ZFYVE26: variants seen among roughly 807,000 people sequenced by gnomAD.
ZFYVE26 encodes zinc finger FYVE domain-containing protein 26.
ZFYVE26 carries 181 observed loss-of-function variants against 276.5 expected under a neutral mutation model. The ratio of observed to expected loss-of-function variants is 0.65; its 90% CI spans 0.58 to 0.74. The LOEUF is 0.74. Among genes scored for constraint, ZFYVE26 ranks in the 30% least tolerant of loss-of-function variants. The pLI is 0.00. For synonymous variants in ZFYVE26, 1,129 were observed against 1,203.1 expected, an observed-to-expected ratio of 0.94 and a Z score of 1.27; for missense variants, 2,821 against 3,097.9, an observed-to-expected ratio of 0.91 and a Z score of 2.12.
rs773532707 is a variant in ZFYVE26, at chr14:67,752,437, G to C, written c.7278C>G (p.Leu2426=). Residue 2426 remains leucine, a synonymous_variant, in exon 40 of 42, where the codon CTC becomes CTG. Transcript: ENST00000347230. Reference sequence around the variant, plus strand: ...CCATGCCTGACTCACTGACACATTTGAGCAGTTGCTGGATCTCACTGTACT... The same window carrying C: ...CCATGCCTGACTCACTGACACATTTCAGCAGTTGCTGGATCTCACTGTACT... ...KEKYSEIQQL[L]KCVSESGMAA... 4 of 1,613,926 alleles carry C rather than the reference G, an allele frequency of 2.5e-6. No homozygotes were observed. In the African/African-American group the frequency reaches 5.3e-5, roughly 22 times the overall value.
Position 67,804,153 on chromosome 14 carries a change from A to C in ZFYVE26, c.1383T>G (p.Asp461Glu). The change falls in exon 9 of 42, where the codon GAT becomes GAG. Residue 461 changes from aspartate (D) to glutamate (E), a missense_variant. Asp to Glu is a conservative substitution (Grantham distance 45, BLOSUM62 2). Transcript: ENST00000347230. The stretch of plus-strand genomic sequence containing the variant: ...GCACTTTCTGTAAGAGCTTGAGAAC[A>C]TCTTCCTCCCTGAGGGCTGGAAGGT... The part of the protein sequence containing the change: ...LTNLPALREE[D>E]VLKLLQKVPA... 1 of 1,614,184 alleles carries C rather than the reference A, an allele frequency of 6.2e-7. No individual in the cohort carries two copies. Among genetic ancestry groups the C allele is most frequent in the Non-Finnish European group, 8.5e-7 (1 of 1,180,018 alleles).
At chr14:67,814,828 T>C (rs1469138592) in intron 2 of ZFYVE26, among the ~76,000 whole-genome samples, 1 of 152,080 alleles carries the variant, frequency 6.6e-6, no homozygotes, top group Non-Finnish European at 1.5e-5. Flanking sequence ...AGATCTCAAA[T>C]TAAAGGAGAA....
At chr14:67,813,957 G>A (rs187600639) in intron 3 of ZFYVE26, 29 bp downstream of exon 3, 89 of 1,551,012 alleles carry the variant, frequency 5.7e-5, no homozygotes, top group South Asian at 3.4e-4. Flanking sequence ...TCCTGGCCTC[G>A]GAGGAAAATT....
chr14:67,778,080 T>C (rs750414633), intron 24 of ZFYVE26, 46 bp downstream of exon 24: 6 of 1,613,730 alleles, frequency 3.7e-6, no homozygotes, highest in Non-Finnish European at 5.1e-6. Flanking sequence ...TTGACTAAAC[T>C]TCTTGTCCCA....
chr14:67,785,156 G>T lies in ZFYVE26; in HGVS notation c.3426C>A (p.Thr1142=). The part of the protein sequence containing the change: ...QLLQKNLGKQ[T]PSGSRQMDYL... ...AGTCCATCTGCCTGCTGCCTGATGG[G>T]GTCTGTTTGCCCAGGTTCTTCTGGA... Residue 1142 remains threonine, a synonymous_variant, in exon 19 of 42, where the codon ACC becomes ACA. Transcript: ENST00000347230. The T allele has an allele frequency of 1.2e-6, 2 of 1,614,202 alleles. No homozygotes were observed. Among genetic ancestry groups the T allele is most frequent in the Non-Finnish European group, 1.7e-6 (2 of 1,180,042 alleles).
rs751474117 is a variant in ZFYVE26 at position 67,761,601 on chromosome 14, C to CGA, written c.6370-19_6370-18dup. The stretch of plus-strand genomic sequence containing the variant: ...GTCATCTTGCTGACAGCACAGGGAG[C>CGA]GAGAGAGAAAAATGAAACTCAAAAA... On this transcript the variant is annotated splice_polypyrimidine_tract_variant and intron_variant, in intron 34 of 41. Coordinates refer to ENST00000347230, the MANE Select transcript of ZFYVE26 (RefSeq NM_015346.4). 4 of 1,610,202 alleles carry CGA rather than the reference C, an allele frequency of 2.5e-6. No individual in the cohort carries two copies. The Admixed American group carries it at 6.7e-5, about 27-fold the overall frequency.
intron 29 of ZFYVE26, 38 bp downstream of exon 29, chr14:67,769,556 G>A (rs964525741): frequency 1.3e-5 from 21 of 1,613,346 alleles, no homozygotes; most frequent in South Asian, 2.2e-5. Context: ...AGGGTGCAGC[G>A]GTCAATAATA....
intron 35 of ZFYVE26, among the ~76,000 whole-genome samples, chr14:67,759,459 A>C (rs866177196): frequency 3.3e-5 from 5 of 151,960 alleles, no homozygotes; most frequent in South Asian, 2.1e-4. Context: ...CCCTGTCTCT[A>C]CTAAAAATAC....
At chr14:67,739,558 G>A (rs2038391803) in intron 13 of ZFYVE26, among the ~76,000 whole-genome samples, 1 of 151,526 alleles carries the variant, frequency 6.6e-6, no homozygotes, top group Admixed American at 6.6e-5. Flanking sequence ...CTAGTCCAAG[G>A]CAGATATCTT....
chr14:67,787,605 C>CCA (rs138827197), intron 16 of ZFYVE26, among the ~76,000 whole-genome samples: 3,262 of 151,480 alleles, frequency 0.022, 133 homozygotes, highest in African/African-American at 0.074. Flanking sequence ...GACTATGCAC[C>CCA]CACACACACA....
intron 11 of ZFYVE26, 87 bp from the exon 12 acceptor site, chr14:67,797,842 G>A: frequency 6.3e-7 from 1 of 1,580,942 alleles, no homozygotes; most frequent in Non-Finnish European, 8.7e-7. Flanking sequence ...GGGAAGGTTT[G>A]CACTGGGCTC....
intron 15 of ZFYVE26, among the ~76,000 whole-genome samples, chr14:67,790,336 A>C (rs2039777643): frequency 6.6e-6 from 1 of 152,246 alleles, no homozygotes; most frequent in Non-Finnish European, 1.5e-5. Flanking sequence ...CTTCATTTAA[A>C]TCACACAGGA....
chr14:67,783,722 T>C (rs2039574334), intron 20 of ZFYVE26, among the ~76,000 whole-genome samples, 197 bp from the exon 21 acceptor site: 1 of 152,212 alleles, frequency 6.6e-6, no homozygotes, highest in South Asian at 2.1e-4. Flanking sequence ...TTCTGCGAGA[T>C]CTATCCATAT....
Position 67,769,592 on chromosome 14 carries a change from A to C in ZFYVE26, c.5621+2T>G. Reference sequence around the variant, plus strand: ...GCAACAGCCCTGCTGTAGGACACTCACTCTTTGTTGCAGTAACTATAGCAC... The same window carrying C: ...GCAACAGCCCTGCTGTAGGACACTCCCTCTTTGTTGCAGTAACTATAGCAC... On this transcript the variant is annotated splice_donor_variant, in intron 29 of 41. Transcript: ENST00000347230. LOFTEE classifies it high-confidence loss of function. The C allele has an allele frequency of 6.2e-7, 1 of 1,613,686 alleles. No homozygotes were observed. Among genetic ancestry groups the C allele is most frequent in the Non-Finnish European group, 8.5e-7 (1 of 1,179,794 alleles).
chr14:67,800,254 G>A (rs1281511854), intron 10 of ZFYVE26, among the ~76,000 whole-genome samples: 2 of 152,198 alleles, frequency 1.3e-5, no homozygotes, highest in Non-Finnish European at 2.9e-5. Flanking sequence ...TGTTTAGGAT[G>A]AGAGAAAAGG....
At chr14:67,784,214 C>T in intron 20 of ZFYVE26, 120 bp downstream of exon 20, 1 of 843,960 alleles carries the variant, frequency 1.2e-6, no homozygotes, top group East Asian at 2.4e-5. Flanking sequence ...ATAAAAAATT[C>T]AGTCAGGAAG....
At chr14:67,801,653 A>G (rs1409587993) in intron 10 of ZFYVE26, among the ~76,000 whole-genome samples, 4 of 152,252 alleles carry the variant, frequency 2.6e-5, no homozygotes, top group Non-Finnish European at 5.9e-5. Flanking sequence ...AGAAGACTAC[A>G]TTTAAAAAGA....
intron 14 of ZFYVE26, 131 bp downstream of exon 14, chr14:67,793,477 C>T: frequency 9.9e-7 from 1 of 1,012,870 alleles, no homozygotes; most frequent in African/African-American, 1.6e-5. Context: ...ACATGGAAAC[C>T]CCCTCTTGCT....
chr14:67,807,180 A>G (rs1173784768), intron 5 of ZFYVE26, among the ~76,000 whole-genome samples: 1 of 152,188 alleles, frequency 6.6e-6, no homozygotes, highest in Non-Finnish European at 1.5e-5. Context: ...CTAGCCTCAC[A>G]TGATCCTCCT....
Sources: gnomAD v4.1 joint callset for allele counts (sites outside exome capture counted in the v4.1 genomes callset) on GRCh38, gnomAD v4.1.1 for gene constraint, MANE v1.5 for transcripts, NCBI Gene and HGNC (gene_info 2026-07-23, HGNC 2026-07-21) for gene names.